Variants in GRM3 observed in about 807,000 individuals in gnomAD.
GRM3 encodes glutamate metabotropic receptor 3.
In GRM3, 26 loss-of-function variants were observed where a neutral mutation model predicts 70.5. The ratio of observed to expected loss-of-function variants is 0.37; its 90% CI spans 0.27 to 0.51. The LOEUF (loss-of-function observed/expected upper bound fraction) is 0.51. GRM3 is among the 20% of genes least tolerant of loss of function. The probability of loss-of-function intolerance (pLI) is 0.93; values close to 1 mark genes in which losing one functional copy is unlikely to be tolerated. For missense variants in GRM3, 859 were observed against 1,123.8 expected (o/e 0.76, Z 3.37); for synonymous variants, 443 against 434.9 (o/e 1.02, Z -0.23).
chr7:86,739,716 T>G (rs1406742437), intron 1 of GRM3, among the ~76,000 whole-genome samples: 2 of 152,206 alleles, frequency 1.3e-5, no homozygotes, highest in South Asian at 2.1e-4. Context: ...ATGCTTAAAT[T>G]TGAGAACTAT....
At chr7:86,857,603 G>A (rs1160271066) in intron 5 of GRM3, among the ~76,000 whole-genome samples, 1 of 152,178 alleles carries the variant, frequency 6.6e-6, no homozygotes, top group Admixed American at 6.5e-5. Context: ...AAGCTAACAG[G>A]ATTAGTTCCA....
chr7:86,806,619 T>G (rs1384180936), intron 3 of GRM3, among the ~76,000 whole-genome samples: 3 of 152,054 alleles, frequency 2.0e-5, no homozygotes, highest in Non-Finnish European at 4.4e-5. Context: ...CTTGTAAATT[T>G]GTTTCTTTGT....
chr7:86,804,144 T>C (rs1184566867), intron 3 of GRM3, among the ~76,000 whole-genome samples: 1 of 152,182 alleles, frequency 6.6e-6, no homozygotes, highest in African/African-American at 2.4e-5. Flanking sequence ...AAAATGATTG[T>C]TATCTCATAA....
intron 1 of GRM3, among the ~76,000 whole-genome samples, chr7:86,721,568 C>T (rs1795463628): frequency 6.6e-6 from 1 of 151,606 alleles, no homozygotes; most frequent in Admixed American, 6.6e-5. Context: ...TAAAGTTAAA[C>T]ATGAAAAAAT....
chr7:86,806,694 T>C (rs1447959945), intron 3 of GRM3, among the ~76,000 whole-genome samples: 1 of 152,220 alleles, frequency 6.6e-6, no homozygotes, highest in Non-Finnish European at 1.5e-5. Context: ...ATTCTGTAGG[T>C]TGCCTGTTCA....
chr7:86,799,932 T>G (rs1584252726), intron 3 of GRM3, among the ~76,000 whole-genome samples: 1 of 152,338 alleles, frequency 6.6e-6, no homozygotes, highest in African/African-American at 2.4e-5. Context: ...GTCTTCAGTA[T>G]GCTTACTGAT....
intron 2 of GRM3, among the ~76,000 whole-genome samples, chr7:86,779,210 C>G (rs1796976342): frequency 6.6e-6 from 1 of 152,118 alleles, no homozygotes; most frequent in Admixed American, 6.5e-5. Context: ...ATTCCTAAAG[C>G]AAGAATAAGG....
At chr7:86,729,201 T>C (rs1795663463) in intron 1 of GRM3, among the ~76,000 whole-genome samples, 1 of 152,216 alleles carries the variant, frequency 6.6e-6, no homozygotes, top group African/African-American at 2.4e-5. Flanking sequence ...ATTCCCAAGC[T>C]GGACTGTCTG....
chr7:86,730,730 A>T (rs142267127), intron 1 of GRM3, among the ~76,000 whole-genome samples: 58 of 152,256 alleles, frequency 3.8e-4, no homozygotes, highest in Middle Eastern at 6.8e-3. Context: ...TCCTTGCTTT[A>T]ACTCTTTCGC....
At chr7:86,705,689 T>A (rs76122497) in intron 1 of GRM3, among the ~76,000 whole-genome samples, 3,991 of 152,142 alleles carry the variant, frequency 0.026, 160 homozygotes, top group African/African-American at 0.09. Flanking sequence ...TTGGATCAAA[T>A]GCTGCAAACA....
At chr7:86,829,399 C>T (rs190853762) in intron 3 of GRM3, among the ~76,000 whole-genome samples, 3 of 152,192 alleles carry the variant, frequency 2.0e-5, no homozygotes, top group Non-Finnish European at 4.4e-5. Flanking sequence ...CCTTCAAGAA[C>T]TTTTCTTTTG....
At chr7:86,854,842 G>A (rs919030404) in intron 5 of GRM3, among the ~76,000 whole-genome samples, 3 of 152,180 alleles carry the variant, frequency 2.0e-5, no homozygotes, top group African/African-American at 7.2e-5. Context: ...AGGAAGCAGG[G>A]TTTCAGAGAG....
At chr7:86,828,928 T>C (rs1346618235) in intron 3 of GRM3, among the ~76,000 whole-genome samples, 1 of 152,234 alleles carries the variant, frequency 6.6e-6, no homozygotes, top group Non-Finnish European at 1.5e-5. Flanking sequence ...TTCTAAATCC[T>C]CTCTTGTCAT....
intron 1 of GRM3, among the ~76,000 whole-genome samples, chr7:86,735,662 T>A (rs1257272429): frequency 6.6e-6 from 1 of 152,200 alleles, no homozygotes; most frequent in Non-Finnish European, 1.5e-5. Flanking sequence ...GTCAAGGAGC[T>A]ACTAGTTCAT....
intron 3 of GRM3, among the ~76,000 whole-genome samples, chr7:86,826,191 C>A (rs1170028878): frequency 6.6e-6 from 1 of 152,198 alleles, no homozygotes; most frequent in Non-Finnish European, 1.5e-5. Context: ...ATTTTGGAGA[C>A]TGTTGCAAAG....
intron 2 of GRM3, among the ~76,000 whole-genome samples, chr7:86,765,857 G>A (rs1352739574): frequency 6.6e-6 from 1 of 152,058 alleles, no homozygotes; most frequent in African/African-American, 2.4e-5. Context: ...AAATTCAGTG[G>A]TTCAAATAAG....
At chr7:86,694,529 GA>G (rs71523715) in intron 1 of GRM3, among the ~76,000 whole-genome samples, 2,677 of 69,186 alleles carry the variant, frequency 0.039, 109 homozygotes, top group African/African-American at 0.13. Context: ...AAAAAAAAAA[GA>G]AAAGAAAGAA....
At chr7:86,815,848 T>C (rs1798004617) in intron 3 of GRM3, among the ~76,000 whole-genome samples, 1 of 151,896 alleles carries the variant, frequency 6.6e-6, no homozygotes, top group Non-Finnish European at 1.5e-5. Context: ...TCTTAGTCTA[T>C]CCTACTGCCA....
intron 5 of GRM3, among the ~76,000 whole-genome samples, chr7:86,851,479 G>A (rs1165966648): frequency 6.6e-6 from 1 of 152,162 alleles, no homozygotes; most frequent in Admixed American, 6.6e-5. Context: ...GGATGAGGGG[G>A]AAGAAAAGAA....
Sources: gnomAD v4.1 joint callset for allele counts (sites outside exome capture counted in the v4.1 genomes callset) on GRCh38, gnomAD v4.1.1 for gene constraint, MANE v1.5 for transcripts, NCBI Gene and HGNC (gene_info 2026-07-23, HGNC 2026-07-21) for gene names.